RARB: variants seen among roughly 807,000 people sequenced by gnomAD.
RARB encodes the protein retinoic acid receptor beta.
RARB carries 17 observed loss-of-function variants against 51.9 expected under a neutral mutation model. That is an observed-to-expected ratio of 0.33 (90% CI 0.22 to 0.49). The LOEUF (loss-of-function observed/expected upper bound fraction) is 0.49. RARB is among the 20% of genes least tolerant of loss of function. The pLI is 0.99. For missense variants in RARB, 369 were observed against 550.8 expected, an observed-to-expected ratio of 0.67 and a Z score of 3.30; for synonymous variants, 215 against 195.4, an observed-to-expected ratio of 1.10 and a Z score of -0.84.
intron 2 of RARB, among the ~76,000 whole-genome samples, chr3:24,869,347 T>G (rs1205899609): frequency 6.6e-6 from 1 of 152,072 alleles, no homozygotes; most frequent in East Asian, 1.9e-4. Flanking sequence ...ATTTCTAGAG[T>G]GTAGAATTTA....
In RARB at chr3:24,997,638, G is replaced by A. The variant is rs1026147838; in HGVS notation, c.-379-62487G>A. Among the ~76,000 whole-genome samples, 3 of 152,124 alleles carry A rather than the reference G, an allele frequency of 2.0e-5. No individual in the cohort carries two copies. In the East Asian group the frequency reaches 5.8e-4, roughly 29 times the overall value. ...GACCTCAGGTGATCCACTTGCCTTG[G>A]CCTCCTAAAGTGCTAGTATTACAGG... On this transcript the variant is annotated intron_variant, in intron 2 of 11. Transcript: ENST00000383772.
chr3:25,469,837 G>A (rs551322922), intron 2 of RARB, among the ~76,000 whole-genome samples: 1 of 152,238 alleles, frequency 6.6e-6, no homozygotes, highest in African/African-American at 2.4e-5. Context: ...CAGAAAACAT[G>A]AGAAGCTAGG....
intron 1 of RARB, among the ~76,000 whole-genome samples, chr3:25,450,871 G>C (rs918142065): frequency 6.6e-6 from 1 of 152,196 alleles, no homozygotes; most frequent in Non-Finnish European, 1.5e-5. Context: ...GATCACCTGA[G>C]GTCAGGAGTT....
At chr3:25,552,983 AG>A (rs1371545945) in intron 3 of RARB, among the ~76,000 whole-genome samples, 1 of 152,164 alleles carries the variant, frequency 6.6e-6, no homozygotes, top group Non-Finnish European at 1.5e-5. Context: ...ATACCTTTTA[AG>A]GTATGATTTT....
rs981451817 is a variant in RARB, at chr3:25,000,003, T to A, written c.-379-60122T>A. ...ATCATAAATTCACTCCTGAGATCTGTCCAGGAGAAGTGGGGACATTGGCTG... is the reference window on the plus strand; with the variant it reads ...ATCATAAATTCACTCCTGAGATCTGACCAGGAGAAGTGGGGACATTGGCTG... On this transcript the variant is annotated intron_variant, in intron 2 of 11. Transcript: ENST00000383772. Among the ~76,000 whole-genome samples the A allele has an allele frequency of 1.9e-4, 29 of 151,856 alleles. No homozygotes were observed. In the East Asian group the frequency reaches 5.2e-3, roughly 27 times the overall value.
chr3:25,527,027 G>T (rs528091712), intron 3 of RARB, among the ~76,000 whole-genome samples: 5 of 152,306 alleles, frequency 3.3e-5, no homozygotes, highest in African/African-American at 1.2e-4. Context: ...ACTTTATTCA[G>T]TGTCAGCAGT....
intron 2 of RARB, among the ~76,000 whole-genome samples, chr3:25,467,012 T>C (rs2125562760): frequency 6.6e-6 from 1 of 152,306 alleles, no homozygotes; most frequent in East Asian, 1.9e-4. Flanking sequence ...CTGCTCCACT[T>C]CCACACTGCT....
At chr3:25,136,885 A>G (rs1022382589) in intron 4 of RARB, among the ~76,000 whole-genome samples, 1 of 152,054 alleles carries the variant, frequency 6.6e-6, no homozygotes, top group Non-Finnish European at 1.5e-5. Flanking sequence ...GTAGAGGAAT[A>G]CATATTTGGC....
chr3:25,013,178 T>A (rs1697433876), intron 2 of RARB, among the ~76,000 whole-genome samples: 1 of 152,086 alleles, frequency 6.6e-6, no homozygotes, highest in Admixed American at 6.6e-5. Flanking sequence ...AATGACTGAA[T>A]AGTTACATTA....
chr3:25,132,916 A>G (rs1699975919), intron 4 of RARB, among the ~76,000 whole-genome samples: 1 of 140,876 alleles, frequency 7.1e-6, no homozygotes, highest in African/African-American at 2.7e-5. Context: ...AAAAAAGATC[A>G]AGGACTTACT....
chr3:25,236,636 G>T (rs140394275), intron 5 of RARB, among the ~76,000 whole-genome samples: 86 of 152,064 alleles, frequency 5.7e-4, no homozygotes, highest in African/African-American at 2.0e-3. Context: ...TAAAAGCGCT[G>T]GTGCTCCGAA....
At chr3:24,864,722 A>T (rs982381949) in intron 2 of RARB, among the ~76,000 whole-genome samples, 4 of 151,914 alleles carry the variant, frequency 2.6e-5, no homozygotes, top group African/African-American at 7.2e-5. Flanking sequence ...TTTTTTAAGT[A>T]TTTTTTTTAT....
chr3:25,007,592 C>CAAAAAAAAAAAAAAAAAG (rs759589176), intron 2 of RARB, among the ~76,000 whole-genome samples: 1 of 45,418 alleles, frequency 2.2e-5, no homozygotes, highest in Non-Finnish European at 3.7e-5. Flanking sequence ...GAGACTGTCT[C>CAAAAAAAAAAAAAAAAAG]AAAAAAAAAA....
At chr3:25,178,521 A>G (rs1475354557) in intron 5 of RARB, among the ~76,000 whole-genome samples, 1 of 152,004 alleles carries the variant, frequency 6.6e-6, no homozygotes, top group Non-Finnish European at 1.5e-5. Context: ...CAAATTCCAA[A>G]TCCAGACCCC....
intron 3 of RARB, among the ~76,000 whole-genome samples, chr3:25,552,750 G>T (rs201873216): frequency 1.8e-5 from 2 of 111,640 alleles, no homozygotes; most frequent in African/African-American, 8.2e-5. Context: ...TTTGAAATGG[G>T]TGTAAATATT....
chr3:25,241,663 G>C (rs1702434112), intron 5 of RARB, among the ~76,000 whole-genome samples: 1 of 152,100 alleles, frequency 6.6e-6, no homozygotes, highest in Non-Finnish European at 1.5e-5. Context: ...TTTTATGGCT[G>C]TATAGTATTC....
intron 2 of RARB, among the ~76,000 whole-genome samples, chr3:24,908,132 G>T (rs75663988): frequency 0.01 from 1,540 of 152,248 alleles, 7 homozygotes; most frequent in Middle Eastern, 0.02. Context: ...AGTACAGCAT[G>T]TTCCAAGCCT....
chr3:24,885,523 T>C (rs963907032), intron 2 of RARB, among the ~76,000 whole-genome samples: 5 of 152,192 alleles, frequency 3.3e-5, no homozygotes, highest in African/African-American at 1.2e-4. Context: ...GATGTGTTCA[T>C]AGAATTCTAG....
intron 4 of RARB, among the ~76,000 whole-genome samples, chr3:25,172,686 C>A (rs1418371491): frequency 6.6e-6 from 1 of 152,148 alleles, no homozygotes; most frequent in East Asian, 1.9e-4. Flanking sequence ...GCCCTAACCC[C>A]AAAACCTCTT....
Sources: gnomAD v4.1 joint callset for allele counts (sites outside exome capture counted in the v4.1 genomes callset) on GRCh38, gnomAD v4.1.1 for gene constraint, MANE v1.5 for transcripts, NCBI Gene and HGNC (gene_info 2026-07-23, HGNC 2026-07-21) for gene names.